The following RBFOX1 variants were observed in gnomAD, a reference collection of about 807,000 sequenced individuals.
The protein encoded by RBFOX1 is RNA binding protein fox-1 homolog 1.
In RBFOX1, 8 loss-of-function variants were observed where a neutral mutation model predicts 57.7. That is an observed-to-expected ratio of 0.14 (90% CI 0.08 to 0.25). RBFOX1 has a LOEUF of 0.25. Ranked by LOEUF, RBFOX1 falls within the 10% of genes least tolerant of loss-of-function variation. RBFOX1 has a pLI of 1.00. For synonymous variants in RBFOX1, 326 were observed against 222.4 expected (o/e 1.47, Z -4.15); for missense variants, 611 against 548.5 (o/e 1.11, Z -1.14).
intron 4 of RBFOX1, among the ~76,000 whole-genome samples, chr16:5,903,303 C>T (rs2058355283): frequency 6.6e-6 from 1 of 152,192 alleles, no homozygotes. Flanking sequence ...CCCTCTTGCC[C>T]TCCCTGCTGT....
intron 2 of RBFOX1, among the ~76,000 whole-genome samples, chr16:6,613,990 A>G (rs2098108574): frequency 6.6e-6 from 1 of 152,320 alleles, no homozygotes; most frequent in East Asian, 1.9e-4. Flanking sequence ...ATAATTTGGA[A>G]GCTTTATACA....
intron 2 of RBFOX1, among the ~76,000 whole-genome samples, chr16:6,628,211 G>T (rs549524333): frequency 6.6e-6 from 1 of 152,194 alleles, no homozygotes; most frequent in Non-Finnish European, 1.5e-5. Context: ...TCTCCCTGGG[G>T]GTTAGCATCT....
At chr16:6,227,090 C>T (rs572847003) in intron 1 of RBFOX1, among the ~76,000 whole-genome samples, 2 of 151,906 alleles carry the variant, frequency 1.3e-5, no homozygotes, top group Non-Finnish European at 2.9e-5. Flanking sequence ...TGCCACTGAA[C>T]TCCAGCGTAG....
intron 4 of RBFOX1, among the ~76,000 whole-genome samples, chr16:7,336,891 C>A (rs189915440): frequency 1.8e-4 from 28 of 152,264 alleles, no homozygotes; most frequent in Admixed American, 5.9e-4. Context: ...TATAGACTTT[C>A]TTTATCCCAG....
intron 4 of RBFOX1, among the ~76,000 whole-genome samples, chr16:5,894,282 A>G (rs1182812505): frequency 6.6e-6 from 1 of 152,182 alleles, no homozygotes; most frequent in African/African-American, 2.4e-5. Flanking sequence ...AAAACATTAT[A>G]AAAACTTTTT....
rs1458027692 is a variant in RBFOX1, at chr16:7,634,400, C to T, written c.757+3717C>T. ...GCCTTTGATGTTTGTTTTTTTTTTT[C>T]GAGACTTAAATTGTACCTCTTCCTA... On this transcript the variant is annotated intron_variant, in intron 11 of 15. Coordinates refer to ENST00000550418, the MANE Select transcript of RBFOX1 (RefSeq NM_018723.4). Among the ~76,000 whole-genome samples the T allele has an allele frequency of 4.2e-4, 48 of 114,270 alleles. 1 individual carries two copies. Among genetic ancestry groups the T allele is most frequent in the Non-Finnish European group, 3.2e-4 (18 of 56,158 alleles). 75.0% of individuals were successfully genotyped at this position (114,270 alleles called of 152,430 possible). A position where few individuals can be genotyped will look rare whatever the true frequency, so the allele number is the denominator to read the frequency against.
At chr16:6,478,429 A>ATATTT (rs1159954387) in intron 2 of RBFOX1, among the ~76,000 whole-genome samples, 29 of 24,582 alleles carry the variant, frequency 1.2e-3, no homozygotes, top group Non-Finnish European at 1.6e-3. Flanking sequence ...ATATATATAT[A>ATATTT]TTTTTTTTTT....
intron 1 of RBFOX1, among the ~76,000 whole-genome samples, chr16:6,304,876 CAAAA>C (rs58680911): frequency 7.5e-5 from 6 of 79,668 alleles, no homozygotes; most frequent in African/African-American, 6.1e-5. Context: ...GACCCTGTCT[CAAAA>C]AAAAAAAAAA....
chr16:6,427,588 T>C (rs1021378382), intron 2 of RBFOX1, among the ~76,000 whole-genome samples: 69 of 152,120 alleles, frequency 4.5e-4, no homozygotes, highest in South Asian at 2.1e-4. Flanking sequence ...TACACCTTAA[T>C]GAAAGAGTAA....
At chr16:7,307,238 T>C (rs562663274) in intron 4 of RBFOX1, among the ~76,000 whole-genome samples, 120 of 152,344 alleles carry the variant, frequency 7.9e-4, no homozygotes, top group African/African-American at 2.7e-3. Context: ...TTTTCTGGAA[T>C]GCAGTTTCAT....
intron 1 of RBFOX1, among the ~76,000 whole-genome samples, chr16:5,314,368 C>T (rs891274102): frequency 2.0e-5 from 3 of 152,268 alleles, no homozygotes; most frequent in Non-Finnish European, 4.4e-5. Flanking sequence ...CAGGTGAGCT[C>T]TGCCTCTGGA....
At chr16:7,363,835 G>A (rs1568426010) in intron 4 of RBFOX1, among the ~76,000 whole-genome samples, 1 of 152,106 alleles carries the variant, frequency 6.6e-6, no homozygotes, top group African/African-American at 2.4e-5. Flanking sequence ...TCTTCTTGAT[G>A]TTTATTATCT....
intron 1 of RBFOX1, among the ~76,000 whole-genome samples, chr16:6,087,435 A>G (rs1006509604): frequency 1.3e-5 from 2 of 152,186 alleles, no homozygotes; most frequent in African/African-American, 2.4e-5. Flanking sequence ...TCCAATATCC[A>G]TAGATAACTA....
intron 11 of RBFOX1, among the ~76,000 whole-genome samples, chr16:7,639,642 C>T (rs976156093): frequency 6.6e-6 from 1 of 152,068 alleles, no homozygotes; most frequent in African/African-American, 2.4e-5. Context: ...ACGCAGTGCT[C>T]CTAGGGGATA....
chr16:6,773,924 G>A (rs2078890663), intron 3 of RBFOX1: 3 of 984,908 alleles, frequency 3.0e-6, no homozygotes. Flanking sequence ...TTGCGGGGGT[G>A]TGGAGTGTGT....
At position 7,676,732 on chromosome 16, in the gene RBFOX1, G is replaced by T. The variant is rs201183211; in HGVS notation, c.931-42G>T. On this transcript the variant is annotated intron_variant, in intron 13 of 15. Transcript: ENST00000550418. ...TTGCCACTGGGCATCCCTGCATTGG[G>T]CTCCGCTACATTCCTGAGTCACATT... The T allele has an allele frequency of 1.5e-4, 232 of 1,554,864 alleles. 2 individuals carry two copies. The East Asian group carries it at 4.2e-3, about 28-fold the overall frequency.
At chr16:6,078,694 A>T (rs1230518249) in intron 1 of RBFOX1, among the ~76,000 whole-genome samples, 1 of 152,172 alleles carries the variant, frequency 6.6e-6, no homozygotes, top group Non-Finnish European at 1.5e-5. Flanking sequence ...TTGCAGCAAC[A>T]CCCTGCACGT....
intron 4 of RBFOX1, among the ~76,000 whole-genome samples, chr16:5,904,960 G>A (rs1203635904): frequency 2.7e-5 from 3 of 110,122 alleles, no homozygotes; most frequent in South Asian, 3.7e-4. Context: ...CTGGGCGACA[G>A]AGCAAGACTC....
intron 2 of RBFOX1, among the ~76,000 whole-genome samples, chr16:5,559,937 C>G (rs2045831574): frequency 6.6e-6 from 1 of 152,130 alleles, no homozygotes; most frequent in African/African-American, 2.4e-5. Context: ...TTGGGGCTTT[C>G]TTAACAGGAT....
Sources: gnomAD v4.1 joint callset for allele counts (sites outside exome capture counted in the v4.1 genomes callset) on GRCh38, gnomAD v4.1.1 for gene constraint, MANE v1.5 for transcripts, NCBI Gene and HGNC (gene_info 2026-07-23, HGNC 2026-07-21) for gene names.